The following ACSF3 variants were observed in gnomAD, a reference collection of about 807,000 sequenced individuals.
The protein encoded by ACSF3 is acyl-CoA synthetase family member 3.
ACSF3 carries 78 observed loss-of-function variants against 53.2 expected under a neutral mutation model. The observed-to-expected ratio is 1.47, with a 90% CI of 1.22 to 1.77. ACSF3 has a LOEUF of 1.77. Ranked by LOEUF, ACSF3 falls within the 40% of genes most tolerant of loss-of-function variation. The pLI is 0.00. For synonymous variants in ACSF3, 414 were observed against 333.1 expected, an observed-to-expected ratio of 1.24 and a Z score of -2.65; for missense variants, 937 against 771.1, an observed-to-expected ratio of 1.22 and a Z score of -2.55.
chr16:89,145,665 A>G (rs993309682), intron 9 of ACSF3, among the ~76,000 whole-genome samples: 1 of 152,182 alleles, frequency 6.6e-6, no homozygotes, highest in South Asian at 2.1e-4. Context: ...ATTCCCCTGC[A>G]GGAAGGTGGC....
intron 1 of ACSF3, among the ~76,000 whole-genome samples, chr16:89,095,750 C>T (rs530003731): frequency 1.6e-4 from 25 of 152,332 alleles, no homozygotes; most frequent in Non-Finnish European, 2.8e-4. Context: ...GAGCACGGCG[C>T]GGCCGTTTGT....
intron 7 of ACSF3, among the ~76,000 whole-genome samples, chr16:89,128,381 C>G (rs779774636): frequency 1.3e-5 from 2 of 151,912 alleles, no homozygotes; most frequent in Non-Finnish European, 2.9e-5. Context: ...CTGCCTCAGC[C>G]TCCTGAGTAG....
At chr16:89,099,363 C>G (rs1396698927) in intron 2 of ACSF3, among the ~76,000 whole-genome samples, 1 of 152,256 alleles carries the variant, frequency 6.6e-6, no homozygotes, top group Non-Finnish European at 1.5e-5. Flanking sequence ...CGCGCGACCC[C>G]TCCCAGGGAG....
chr16:89,101,226 C>G lies in ACSF3; in HGVS notation c.545C>G (p.Pro182Arg). 6.2e-7 allele frequency: 1 copy of G among 1,601,576 alleles called. No individual in the cohort carries two copies. Among genetic ancestry groups the G allele is most frequent in the Non-Finnish European group, 8.5e-7 (1 of 1,174,374 alleles). The change falls in exon 3 of 11, where the codon CCG (proline) becomes CGG (arginine). Residue 182 changes from proline (P) to arginine (R), a missense_variant. Transcript: ENST00000614302. The stretch of plus-strand genomic sequence containing the variant: ...ATCTACACTGGAGCAGTAGAGGAAC[C>G]GGCAGAGGTCCCGGTCCCAGAGCAG... ...PAIYTGAVEEPAEVPVPEQGW... is the reference protein window; with the variant it reads ...PAIYTGAVEERAEVPVPEQGW...
intron 10 of ACSF3, 80 bp from the exon 11 acceptor site, chr16:89,154,010 G>C: frequency 6.9e-7 from 1 of 1,452,396 alleles, no homozygotes. Flanking sequence ...AGGGGCACCT[G>C]TCCGTACTGC....
chr16:89,130,128 A>G (rs1427474977), intron 7 of ACSF3, among the ~76,000 whole-genome samples: 1 of 152,236 alleles, frequency 6.6e-6, no homozygotes, highest in Admixed American at 6.5e-5. Context: ...TCTGAAGGAC[A>G]TTCTATAGGA....
At chr16:89,123,521 G>A (rs575857961) in intron 7 of ACSF3, among the ~76,000 whole-genome samples, 4 of 152,170 alleles carry the variant, frequency 2.6e-5, no homozygotes, top group African/African-American at 7.2e-5. Context: ...TGGGCTGTCC[G>A]ATCCACTCTT....
At chr16:89,132,984 T>G (rs1397019029) in intron 7 of ACSF3, 152 bp from the exon 8 acceptor site, 2 of 1,205,832 alleles carry the variant, frequency 1.7e-6, no homozygotes, top group Non-Finnish European at 2.4e-6. Flanking sequence ...CAAAGCTGCG[T>G]TTTCCAAGCA....
chr16:89,128,864 C>T (rs1391381851), intron 7 of ACSF3, among the ~76,000 whole-genome samples: 1 of 152,086 alleles, frequency 6.6e-6, no homozygotes, highest in Non-Finnish European at 1.5e-5. Flanking sequence ...CGCAGTGGCT[C>T]ACACCTGTAA....
At chr16:89,094,055 G>C (rs1219841232) in intron 1 of ACSF3, 59 bp downstream of exon 1, 1 of 150,652 alleles carries the variant, frequency 6.6e-6, no homozygotes, top group South Asian at 2.1e-4. Context: ...GAGCTCTCGG[G>C]GGCGCGGGCT....
At chr16:89,106,713 C>A (rs1976030895) in intron 4 of ACSF3, among the ~76,000 whole-genome samples, 1 of 152,236 alleles carries the variant, frequency 6.6e-6, no homozygotes, top group East Asian at 1.9e-4. Flanking sequence ...ATCCAGCTGT[C>A]AGCGTTATTG....
intron 4 of ACSF3, among the ~76,000 whole-genome samples, chr16:89,104,346 TG>T (rs1487113919): frequency 6.6e-6 from 1 of 152,228 alleles, no homozygotes; most frequent in Admixed American, 6.5e-5. Flanking sequence ...ACTGGGCTCT[TG>T]GTCTGTGCGG....
At chr16:89,142,839 G>C (rs182244243) in intron 8 of ACSF3, among the ~76,000 whole-genome samples, 21 of 152,348 alleles carry the variant, frequency 1.4e-4, no homozygotes, top group African/African-American at 4.3e-4. Context: ...ACGGGGTCTC[G>C]CAGTGGGCGG....
At chr16:89,107,320 G>A (rs781749710) in intron 4 of ACSF3, among the ~76,000 whole-genome samples, 6 of 152,038 alleles carry the variant, frequency 3.9e-5, no homozygotes, top group Non-Finnish European at 7.4e-5. Flanking sequence ...TTTCACCTCC[G>A]CGCCTGCTCC....
rs1914474473 is a variant in ACSF3, at chr16:89,154,272, C to T, written c.*65C>T. On this transcript the variant is annotated 3_prime_UTR_variant, in exon 11 of 11. Transcript: ENST00000614302. ...GACGTCCCCTTCACACCGAGAACCA[C>T]GGGGGCCCGTCCAAGACCTGGCCTC... 6.0e-6 allele frequency: 9 copies of T among 1,494,692 alleles called. No individual in the cohort carries two copies. Among genetic ancestry groups the T allele is most frequent in the African/African-American group, 1.4e-5 (1 of 72,712 alleles). The allele number at this position is 1,494,692 out of a possible 1,614,324, so 92.6% of individuals were successfully genotyped here. A position where few individuals can be genotyped will look rare whatever the true frequency, so the allele number is the denominator to read the frequency against.
At position 89,154,627 on chromosome 16, in the gene ACSF3, C is replaced by T. The variant is rs1309778348; in HGVS notation, c.*420C>T. 1 of 454,972 alleles carries T rather than the reference C, an allele frequency of 2.2e-6. No homozygotes were observed. The highest frequency in any genetic ancestry group is 4.4e-6 in the Non-Finnish European group (1 of 227,460). The allele number at this position is 454,972 out of a possible 1,614,324, so 28.2% of individuals were successfully genotyped here. Reference sequence around the variant, plus strand: ...GCCGTCTGCACGTGCCTGTGCCTCACCCAGAGCCAGTGTCTCCCGGCCCAC... The same window carrying T: ...GCCGTCTGCACGTGCCTGTGCCTCATCCAGAGCCAGTGTCTCCCGGCCCAC... On this transcript the variant is annotated 3_prime_UTR_variant, in exon 11 of 11. Coordinates refer to ENST00000614302, the MANE Select transcript of ACSF3 (RefSeq NM_001243279.3).
intron 7 of ACSF3, among the ~76,000 whole-genome samples, chr16:89,125,697 A>AC (rs879569615): frequency 1.6e-5 from 2 of 124,110 alleles, no homozygotes; most frequent in Non-Finnish European, 3.5e-5. Flanking sequence ...TCAAAAAAAA[A>AC]AAGAGAGAGA....
intron 10 of ACSF3, chr16:89,150,653 C>T (rs567405986): frequency 5.6e-5 from 15 of 266,296 alleles, no homozygotes; most frequent in South Asian, 1.3e-4. Context: ...CTTGAGGGCC[C>T]GCTGAGGAGA....
Position 89,098,528 on chromosome 16 carries a change from G to A in ACSF3, c.-193-63G>A, listed in dbSNP as rs1567680092. On this transcript the variant is annotated intron_variant, in intron 1 of 10. Transcript: ENST00000614302. ...TCCCTTCCCCCATTGAGTGTTGAGT[G>A]TTGTGCCTGTGGGAAGCGTTATACA... 3 of 399,996 alleles carry A rather than the reference G, an allele frequency of 7.5e-6. No individual in the cohort carries two copies. The East Asian group carries it at 2.2e-4, about 29-fold the overall frequency. 24.8% of individuals were successfully genotyped at this position (399,996 alleles called of 1,614,324 possible).
Sources: allele counts gnomAD v4.1 joint callset (sites outside exome capture counted in the v4.1 genomes callset), GRCh38; gene constraint gnomAD v4.1.1; transcripts MANE v1.5; gene names NCBI Gene and HGNC (gene_info 2026-07-23, HGNC 2026-07-21).